The following SCEL variants were observed in gnomAD, a reference collection of about 807,000 sequenced individuals.
The protein encoded by SCEL is sciellin.
In SCEL, 113 loss-of-function variants were observed where a neutral mutation model predicts 117.6. That is an observed-to-expected ratio of 0.96 (90% CI 0.83 to 1.12). SCEL has a LOEUF of 1.12. Ranked by LOEUF, SCEL falls within the 50% of genes most tolerant of loss-of-function variation. The pLI is 0.00. For synonymous variants in SCEL, 270 were observed against 256.2 expected (o/e 1.05, Z -0.51); for missense variants, 785 against 810.8 (o/e 0.97, Z 0.39).
chr13:77,603,033 T>C lies in SCEL; in HGVS notation c.1038-43T>C, dbSNP rs1364240005. On this transcript the variant is annotated intron_variant, in intron 17 of 32. Coordinates refer to ENST00000349847, the MANE Select transcript of SCEL (RefSeq NM_144777.3). ...TACAGAAGATGTATGTGTCTAATAT[T>C]ATGGGAATGTTTTGAAACTGATATA... 2.7e-6 allele frequency: 3 copies of C among 1,104,674 alleles called. No homozygotes were observed. In the African/African-American group the frequency reaches 4.7e-5, roughly 17 times the overall value. The allele number at this position is 1,104,674 out of a possible 1,614,324, so 68.4% of individuals were successfully genotyped here.
At chr13:77,598,149 T>C (rs1324609500) in intron 13 of SCEL, among the ~76,000 whole-genome samples, 1 of 152,130 alleles carries the variant, frequency 6.6e-6, no homozygotes, top group African/African-American at 2.4e-5. Context: ...TTTGTAGAGA[T>C]GGGGTCTCAC....
chr13:77,568,901 T>C (rs1169021944), intron 7 of SCEL, among the ~76,000 whole-genome samples: 1 of 152,216 alleles, frequency 6.6e-6, no homozygotes, highest in Non-Finnish European at 1.5e-5. Context: ...CACCTCTCAG[T>C]GCTTGAAATG....
chr13:77,614,115 A>T (rs2088864312), intron 24 of SCEL, among the ~76,000 whole-genome samples, 160 bp downstream of exon 24: 1 of 152,188 alleles, frequency 6.6e-6, no homozygotes, highest in South Asian at 2.1e-4. Context: ...TGCAAGAAAG[A>T]GAGGCAGCTG....
chr13:77,558,474 G>T (rs958242212), intron 3 of SCEL, among the ~76,000 whole-genome samples: 9 of 152,088 alleles, frequency 5.9e-5, no homozygotes, highest in Non-Finnish European at 1.3e-4. Context: ...TACTGTTTAT[G>T]TTTCTGTTTA....
intron 1 of SCEL, among the ~76,000 whole-genome samples, chr13:77,544,060 A>G (rs1567330997): frequency 6.6e-6 from 1 of 152,198 alleles, no homozygotes; most frequent in South Asian, 2.1e-4. Context: ...ATTAAGTTTC[A>G]TTAAAGAACA....
intron 4 of SCEL, among the ~76,000 whole-genome samples, chr13:77,562,904 C>G (rs1329644424): frequency 6.6e-6 from 1 of 152,084 alleles, no homozygotes; most frequent in East Asian, 1.9e-4. Context: ...TAATGCAATA[C>G]TTTGGATATG....
intron 20 of SCEL, among the ~76,000 whole-genome samples, chr13:77,608,804 A>AT (rs375741622): frequency 8.0e-4 from 121 of 152,116 alleles, no homozygotes; most frequent in African/African-American, 2.2e-3. Flanking sequence ...TCATTAACTG[A>AT]TTTTTTTTAA....
intron 1 of SCEL, among the ~76,000 whole-genome samples, chr13:77,543,744 T>A (rs901695279): frequency 1.3e-5 from 2 of 152,184 alleles, no homozygotes; most frequent in Non-Finnish European, 2.9e-5. Context: ...GACCTCCAGC[T>A]GCATCCATGT....
chr13:77,555,819 C>T, intron 1 of SCEL, 38 bp from the exon 2 acceptor site: 2 of 1,342,560 alleles, frequency 1.5e-6, no homozygotes, highest in Non-Finnish European at 2.1e-6. Context: ...TTCTCAGAGT[C>T]ATTGATGTGC....
intron 32 of SCEL, among the ~76,000 whole-genome samples, chr13:77,643,555 C>T (rs541092305): frequency 3.9e-5 from 6 of 152,088 alleles, no homozygotes; most frequent in African/African-American, 1.2e-4. Context: ...AGACGGTCAA[C>T]GGTACTATGT....
chr13:77,544,545 G>T (rs1232539097), intron 1 of SCEL, among the ~76,000 whole-genome samples: 1 of 152,198 alleles, frequency 6.6e-6, no homozygotes, highest in African/African-American at 2.4e-5. Flanking sequence ...CTGGGGCTGA[G>T]ATCAGGCTGG....
chr13:77,609,121 A>G lies in SCEL; in HGVS notation c.1277+4A>G, dbSNP rs1377503046. 1.3e-6 allele frequency: 2 copies of G among 1,585,998 alleles called. 1 individual carries two copies. Among genetic ancestry groups the G allele is most frequent in the South Asian group, 2.3e-5 (2 of 85,628 alleles). Reference sequence around the variant, plus strand: ...GAACAGAAAAAAGTACTGAAGGGTAAGATTTAATAAGCTCCCTTTTTTGTT... The same window carrying G: ...GAACAGAAAAAAGTACTGAAGGGTAGGATTTAATAAGCTCCCTTTTTTGTT... On this transcript the variant is annotated splice_donor_region_variant and intron_variant, in intron 21 of 32. Coordinates refer to ENST00000349847, the MANE Select transcript of SCEL (RefSeq NM_144777.3).
At chr13:77,545,641 G>T (rs1191601078) in intron 1 of SCEL, among the ~76,000 whole-genome samples, 3 of 152,228 alleles carry the variant, frequency 2.0e-5, no homozygotes, top group African/African-American at 7.2e-5. Flanking sequence ...ACACCTTAGA[G>T]GCTTTACATG....
At chr13:77,580,056 A>G (rs1022733605) in intron 9 of SCEL, among the ~76,000 whole-genome samples, 1 of 152,250 alleles carries the variant, frequency 6.6e-6, no homozygotes, top group Non-Finnish European at 1.5e-5. Flanking sequence ...AATGTAAGAC[A>G]CTGTGTGCAG....
rs891214163 is a variant in SCEL at position 77,640,681 on chromosome 13, T to C, written c.1844T>C (p.Val615Ala). Residue 615 changes from valine to alanine, a missense_variant, in exon 31 of 33, where the codon GTC becomes GCC. Val to Ala is a moderately conservative substitution (Grantham distance 64). Coordinates refer to ENST00000349847, the MANE Select transcript of SCEL (RefSeq NM_144777.3). ...QTVYSTSDRS[V>A]IERDMCTYCR... is the part of the protein sequence containing the mutation. ...AATTGCTTACATTTCTATAGGTCTG[T>C]CATTGAAAGAGATATGTGCACTTAC... The C allele has an allele frequency of 6.4e-7, 1 of 1,557,944 alleles. No individual in the cohort carries two copies. Among genetic ancestry groups the C allele is most frequent in the Non-Finnish European group, 8.8e-7 (1 of 1,138,346 alleles).
intron 1 of SCEL, among the ~76,000 whole-genome samples, chr13:77,545,018 A>C (rs1001391006): frequency 6.6e-6 from 1 of 152,212 alleles, no homozygotes; most frequent in Admixed American, 6.5e-5. Flanking sequence ...TTATGATTTT[A>C]CATCATAATT....
chr13:77,620,901 G>C (rs886230821), intron 27 of SCEL, among the ~76,000 whole-genome samples: 1 of 152,080 alleles, frequency 6.6e-6, no homozygotes, highest in East Asian at 1.9e-4. Flanking sequence ...TCCAAAAAGA[G>C]AAGAGTTCCT....
intron 1 of SCEL, among the ~76,000 whole-genome samples, chr13:77,549,768 GC>G (rs933192867): frequency 6.6e-6 from 1 of 152,126 alleles, no homozygotes; most frequent in African/African-American, 2.4e-5. Context: ...ATATTTTCAG[GC>G]CACAATTATG....
chr13:77,622,244 C>G (rs907653693), intron 27 of SCEL, among the ~76,000 whole-genome samples: 1 of 152,092 alleles, frequency 6.6e-6, no homozygotes, highest in Non-Finnish European at 1.5e-5. Context: ...TTTAAATGAA[C>G]TGTATGGTGA....
Sources: allele counts gnomAD v4.1 joint callset (sites outside exome capture counted in the v4.1 genomes callset), GRCh38; gene constraint gnomAD v4.1.1; transcripts MANE v1.5; gene names NCBI Gene and HGNC (gene_info 2026-07-23, HGNC 2026-07-21).